The following CLPB variants were observed in gnomAD, a reference collection of about 807,000 sequenced individuals.
The protein encoded by CLPB is ClpB family mitochondrial disaggregase, also known as mitochondrial disaggregase.
Under a neutral mutation model 78.4 loss-of-function variants are expected in CLPB, and 40 were observed. That is an observed-to-expected ratio of 0.51 (90% CI 0.40 to 0.66). CLPB has a LOEUF of 0.66. CLPB is among the 30% of genes least tolerant of loss of function. The pLI, the probability that CLPB is intolerant of heterozygous loss-of-function variation, is 0.00. For missense variants in CLPB, 780 were observed against 886.9 expected, an observed-to-expected ratio of 0.88 and a Z score of 1.53; for synonymous variants, 333 against 348.0, an observed-to-expected ratio of 0.96 and a Z score of 0.48.
At chr11:72,367,199 T>C (rs1413464635) in intron 4 of CLPB, among the ~76,000 whole-genome samples, 5 of 152,160 alleles carry the variant, frequency 3.3e-5, no homozygotes, top group Non-Finnish European at 7.3e-5. Flanking sequence ...AGTCTCTCTC[T>C]GTTGCCCAGG....
chr11:72,423,971 T>G (rs151013608), intron 2 of CLPB, among the ~76,000 whole-genome samples: 229 of 152,350 alleles, frequency 1.5e-3, no homozygotes, highest in South Asian at 3.1e-3. Flanking sequence ...TTCACTTCAG[T>G]CTCATTTACC....
Position 72,292,018 on chromosome 11 carries a change from G to T in CLPB, c.*1349C>A, listed in dbSNP as rs1184503215. 1 of 147,404 alleles carries T rather than the reference G, an allele frequency of 6.8e-6. No homozygotes were observed. Among genetic ancestry groups the T allele is most frequent in the Non-Finnish European group, 1.5e-5 (1 of 67,416 alleles). 9.1% of individuals were successfully genotyped at this position (147,404 alleles called of 1,614,324 possible). On this transcript the variant is annotated 3_prime_UTR_variant, in exon 16 of 16. Transcript: ENST00000538039. ...AGATCGCGCCACTGCACTCCAGCTT[G>T]GGGGACAGAGTGAGACTCTGTCTCA...
At chr11:72,425,854 A>G (rs1410454916) in intron 2 of CLPB, among the ~76,000 whole-genome samples, 1 of 152,124 alleles carries the variant, frequency 6.6e-6, no homozygotes, top group Admixed American at 6.5e-5. Context: ...GTCTATGATC[A>G]GGTGCCATTT....
chr11:72,353,589 C>T (rs575614757), intron 5 of CLPB, among the ~76,000 whole-genome samples: 2 of 152,304 alleles, frequency 1.3e-5, no homozygotes, highest in South Asian at 4.1e-4. Flanking sequence ...CATACTAAAT[C>T]ATGTGCAGAG....
Position 72,312,224 on chromosome 11 carries a change from T to C in CLPB, c.989-3620A>G, listed in dbSNP as rs1249254348. On this transcript the variant is annotated intron_variant, in intron 7 of 15. Coordinates refer to ENST00000538039, the MANE Select transcript of CLPB (RefSeq NM_001258392.3). This position sits in a 1 kb window ranked among gnomAD's most constrained non-coding sequence, Gnocchi z 4.2. ...ACAAGTTAATGGTGATGAAAGCAAT[T>C]TGTAAGTGGCGAGGAGTGGGATAAC... is the stretch of plus-strand genomic sequence containing the variant. 6.6e-6 allele frequency among the ~76,000 whole-genome samples: 1 copy of C among 152,210 alleles called. No homozygotes were observed. The highest frequency in any genetic ancestry group is 2.4e-5 in the African/African-American group (1 of 41,448).
intron 5 of CLPB, among the ~76,000 whole-genome samples, chr11:72,333,154 C>T (rs568464772): frequency 1.3e-5 from 2 of 152,302 alleles, no homozygotes; most frequent in South Asian, 4.1e-4. Flanking sequence ...AAAACCACCC[C>T]CAGGTTTTCC....
chr11:72,336,813 G>A, intron 5 of CLPB: 1 of 340,428 alleles, frequency 2.9e-6, no homozygotes, highest in East Asian at 4.4e-5. Flanking sequence ...GAAACATTGA[G>A]AGAGAGAGTG....
chr11:72,377,399 T>G (rs1590867244), intron 4 of CLPB, among the ~76,000 whole-genome samples: 1 of 152,198 alleles, frequency 6.6e-6, no homozygotes. Flanking sequence ...TAAATACTTT[T>G]GAATAAATAA....
rs1000069484 is a variant in CLPB, at chr11:72,292,961, G to A, written c.*406C>T. On this transcript the variant is annotated 3_prime_UTR_variant, in exon 16 of 16. Coordinates refer to ENST00000538039, the MANE Select transcript of CLPB (RefSeq NM_001258392.3). ...GCATGAGGACTAGCAGAGGGTGGCA[G>A]TTCAGTCTGGTCCCTGTCTTCTTCC... 5.6e-6 allele frequency: 1 copy of A among 180,036 alleles called. No homozygotes were observed. Among genetic ancestry groups the A allele is most frequent in the African/African-American group, 2.3e-5 (1 of 42,788 alleles). The allele number at this position is 180,036 out of a possible 1,614,324, so 11.2% of individuals were successfully genotyped here. A position where few individuals can be genotyped will look rare whatever the true frequency, so the allele number is the denominator to read the frequency against.
intron 13 of CLPB, 66 bp from the exon 14 acceptor site, chr11:72,294,510 C>T: frequency 6.2e-7 from 1 of 1,611,936 alleles, no homozygotes; most frequent in Non-Finnish European, 8.5e-7. Flanking sequence ...AATTACCAGA[C>T]ACCAGGGGAA....
intron 1 of CLPB, among the ~76,000 whole-genome samples, chr11:72,432,903 T>G (rs1005231954): frequency 1.4e-4 from 22 of 152,256 alleles, no homozygotes; most frequent in African/African-American, 5.3e-4. Context: ...GAGCTTGGGG[T>G]GCATGGAATC....
chr11:72,354,560 G>C (rs1950672836), intron 5 of CLPB: 2 of 375,322 alleles, frequency 5.3e-6, no homozygotes, highest in Non-Finnish European at 9.4e-6. Flanking sequence ...CACCTTCCCT[G>C]ATCACTCCTC....
chr11:72,370,877 T>C (rs181623662), intron 4 of CLPB, among the ~76,000 whole-genome samples: 1 of 152,326 alleles, frequency 6.6e-6, no homozygotes, highest in Admixed American at 6.5e-5. Flanking sequence ...CCCTCTCCTT[T>C]AGGACCTTCA....
intron 9 of CLPB, among the ~76,000 whole-genome samples, chr11:72,304,503 TG>T (rs1024711804): frequency 1.3e-5 from 2 of 152,216 alleles, no homozygotes; most frequent in African/African-American, 4.8e-5. Context: ...CCCTACCTTA[TG>T]ATGATATCAC....
At chr11:72,303,883 C>G (rs1447074936) in intron 9 of CLPB, 1 of 152,244 alleles carries the variant, frequency 6.6e-6, no homozygotes, top group Non-Finnish European at 1.5e-5. Flanking sequence ...ATTAAAGTAA[C>G]TTGCTCAAGG....
chr11:72,400,855 C>T (rs1565486225), intron 3 of CLPB, among the ~76,000 whole-genome samples: 1 of 152,150 alleles, frequency 6.6e-6, no homozygotes, highest in Non-Finnish European at 1.5e-5. Context: ...CCCTTTGCTT[C>T]GAGGGTATCC....
At chr11:72,377,375 A>G (rs1469416258) in intron 4 of CLPB, among the ~76,000 whole-genome samples, 1 of 152,248 alleles carries the variant, frequency 6.6e-6, no homozygotes, top group Non-Finnish European at 1.5e-5. Context: ...CCTGGTATAC[A>G]GGAATGTGAT....
intron 9 of CLPB, chr11:72,302,787 G>A (rs114212147): frequency 0.013 from 2,505 of 186,740 alleles, 60 homozygotes; most frequent in African/African-American, 0.055. Flanking sequence ...AGTCAGTCAC[G>A]ATCAGTGTGG....
intron 4 of CLPB, among the ~76,000 whole-genome samples, chr11:72,374,081 G>C (rs1951095516): frequency 6.6e-6 from 1 of 151,930 alleles, no homozygotes; most frequent in Non-Finnish European, 1.5e-5. Context: ...ATGACCCATG[G>C]CGAGAATCCC....
Sources: allele counts gnomAD v4.1 joint callset (sites outside exome capture counted in the v4.1 genomes callset), GRCh38; gene constraint gnomAD v4.1.1; non-coding constraint Gnocchi (gnomAD v3.1); transcripts MANE v1.5; gene names NCBI Gene and HGNC (gene_info 2026-07-23, HGNC 2026-07-21).